The following GRAP2 variants were observed in gnomAD, a reference collection of about 807,000 sequenced individuals.
The protein encoded by GRAP2 is GRB2-related adapter protein 2.
GRAP2 carries 31 observed loss-of-function variants against 43.5 expected under a neutral mutation model. The ratio of observed to expected loss-of-function variants is 0.71; its 90% CI spans 0.54 to 0.96. The LOEUF (loss-of-function observed/expected upper bound fraction) is 0.96, where lower values mean the gene tolerates loss of function less well. Among genes scored for constraint, GRAP2 ranks in the 40% least tolerant of loss-of-function variants. The pLI is 0.00. For missense variants in GRAP2, 371 were observed against 424.4 expected, an observed-to-expected ratio of 0.87 and a Z score of 1.11; for synonymous variants, 156 against 164.8, an observed-to-expected ratio of 0.95 and a Z score of 0.41.
At chr22:39,948,269 G>C (rs2066945335) in intron 2 of GRAP2, 1 of 152,072 alleles carries the variant, frequency 6.6e-6, no homozygotes, top group South Asian at 2.1e-4. Context: ...CAAAGCATAG[G>C]CCTTCACAAA....
intron 4 of GRAP2, among the ~76,000 whole-genome samples, chr22:39,961,562 G>A (rs1330292074): frequency 6.6e-6 from 1 of 152,174 alleles, no homozygotes; most frequent in Non-Finnish European, 1.5e-5. Context: ...TCACTAAGGT[G>A]CAGCAACCCA....
At chr22:39,911,882 A>G (rs995505140) in intron 1 of GRAP2, among the ~76,000 whole-genome samples, 53 of 152,204 alleles carry the variant, frequency 3.5e-4, no homozygotes, top group African/African-American at 1.2e-3. Flanking sequence ...ATTGAATCAG[A>G]ATCTAAACTG....
chr22:39,973,523 T>C lies in GRAP2; in HGVS notation c.*2439T>C, dbSNP rs1291000079. ...GCAAAAGCTACTGAAGAGTATTTTGTACTGAGATGCCAAAGCATCTTTCCC... is the reference window on the plus strand; with the variant it reads ...GCAAAAGCTACTGAAGAGTATTTTGCACTGAGATGCCAAAGCATCTTTCCC... On this transcript the variant is annotated 3_prime_UTR_variant, in exon 8 of 8. Coordinates refer to ENST00000344138, the MANE Select transcript of GRAP2 (RefSeq NM_004810.4). The C allele has an allele frequency of 1.3e-5, 2 of 152,232 alleles. No individual in the cohort carries two copies. The highest frequency in any genetic ancestry group is 4.8e-5 in the African/African-American group (2 of 41,468). The allele number at this position is 152,232 out of a possible 1,614,324, so 9.4% of individuals were successfully genotyped here.
intron 3 of GRAP2, 121 bp from the exon 4 acceptor site, chr22:39,959,934 C>G (rs903915693): frequency 1.2e-6 from 1 of 856,902 alleles, no homozygotes; most frequent in Non-Finnish European, 1.9e-6. Context: ...CCTGGTCTCT[C>G]TCTGCTCCCT....
intron 1 of GRAP2, among the ~76,000 whole-genome samples, chr22:39,920,800 C>CA (rs2066642430): frequency 6.6e-6 from 1 of 151,998 alleles, no homozygotes; most frequent in African/African-American, 2.4e-5. Flanking sequence ...TACACACACA[C>CA]ACGTGGATGC....
chr22:39,919,464 G>T (rs1342635161), intron 1 of GRAP2, among the ~76,000 whole-genome samples: 1 of 152,126 alleles, frequency 6.6e-6, no homozygotes, highest in Non-Finnish European at 1.5e-5. Flanking sequence ...TAGAGTCATT[G>T]TCCTTGCTGC....
intron 1 of GRAP2, among the ~76,000 whole-genome samples, chr22:39,908,053 A>G (rs933897731): frequency 9.2e-5 from 14 of 152,302 alleles, no homozygotes; most frequent in Admixed American, 6.5e-4. Context: ...CGTGATCTTA[A>G]ACAAGTCACC....
intron 3 of GRAP2, among the ~76,000 whole-genome samples, chr22:39,956,881 G>A (rs903300889): frequency 3.3e-5 from 5 of 152,154 alleles, no homozygotes; most frequent in African/African-American, 9.7e-5. Context: ...CACTTCGGGA[G>A]CTGCTCTCCT....
intron 7 of GRAP2, among the ~76,000 whole-genome samples, chr22:39,969,874 A>G (rs1279484276): frequency 5.9e-5 from 9 of 152,130 alleles, no homozygotes; most frequent in Admixed American, 5.2e-4. Flanking sequence ...AGATTGCGCC[A>G]TTTTACTCCA....
chr22:39,911,724 A>C (rs1376400517), intron 1 of GRAP2, among the ~76,000 whole-genome samples: 1 of 151,992 alleles, frequency 6.6e-6, no homozygotes, highest in African/African-American at 2.4e-5. Flanking sequence ...TATAATTATT[A>C]ATTTTCCAGT....
rs562775739 is a variant in GRAP2, at chr22:39,923,694, GA to G, written c.-15+22368del. Among the ~76,000 whole-genome samples, 62 of 152,218 alleles carry G rather than the reference GA, an allele frequency of 4.1e-4. 2 individuals carry two copies. Among genetic ancestry groups the G allele is most frequent in the African/African-American group, 1.4e-3 (57 of 41,540 alleles). On this transcript the variant is annotated intron_variant, in intron 1 of 7. Coordinates refer to ENST00000344138, the MANE Select transcript of GRAP2 (RefSeq NM_004810.4). ...TCCTTTACTAATGAGGAAAGAAAAG[GA>G]AAACAACAAACAAATCTGGACTTAA...
upstream of GRAP2, among the ~76,000 whole-genome samples, chr22:39,898,410 T>C (rs376853135): frequency 2.6e-5 from 4 of 152,322 alleles, no homozygotes; most frequent in East Asian, 3.9e-4. Flanking sequence ...AGAGTAGGTG[T>C]TCAAACTTTA....
chr22:39,965,542 T>C (rs1339845826), intron 4 of GRAP2, among the ~76,000 whole-genome samples: 1 of 152,232 alleles, frequency 6.6e-6, no homozygotes, highest in Non-Finnish European at 1.5e-5. Flanking sequence ...AGAGAGTAGC[T>C]TCTTACCTGC....
At chr22:39,963,239 C>G (rs2067137436) in intron 4 of GRAP2, among the ~76,000 whole-genome samples, 1 of 152,152 alleles carries the variant, frequency 6.6e-6, no homozygotes, top group Non-Finnish European at 1.5e-5. Context: ...GCCTGAAACA[C>G]CAGATTTTGG....
chr22:39,901,804 C>A (rs1381004184), intron 1 of GRAP2, among the ~76,000 whole-genome samples: 1 of 152,178 alleles, frequency 6.6e-6, no homozygotes, highest in Non-Finnish European at 1.5e-5. Flanking sequence ...ACAAAGGACA[C>A]CAGTTTTCAT....
rs530675926 is a variant in GRAP2 at position 39,952,149 on chromosome 22, C to A, written c.79-3670C>A. Among the ~76,000 whole-genome samples, 15 of 151,900 alleles carry A rather than the reference C, an allele frequency of 9.9e-5. No homozygotes were observed. The South Asian group carries it at 2.9e-3, about 30-fold the overall frequency. Reference sequence around the variant, plus strand: ...TCAAGCAATTCTCGTGGCTCAGCCTCCCAAGTAGCTGAGATTACAGGCATG... The same window carrying A: ...TCAAGCAATTCTCGTGGCTCAGCCTACCAAGTAGCTGAGATTACAGGCATG... On this transcript the variant is annotated intron_variant, in intron 2 of 7. Transcript: ENST00000344138.
intron 4 of GRAP2, among the ~76,000 whole-genome samples, chr22:39,963,503 G>A (rs551656861): frequency 8.3e-4 from 127 of 152,304 alleles, no homozygotes; most frequent in African/African-American, 2.8e-3. Flanking sequence ...GTTGATCCAT[G>A]TTGTCTTAGA....
chr22:39,947,233 A>G, intron 2 of GRAP2, 49 bp downstream of exon 2: 1 of 860,506 alleles, frequency 1.2e-6, no homozygotes, highest in Non-Finnish European at 2.0e-6. Flanking sequence ...TCAGTTACTC[A>G]GTAATCTGAC....
At chr22:39,900,803 G>A (rs1365151049), upstream of GRAP2, among the ~76,000 whole-genome samples, 3 of 152,164 alleles carry the variant, frequency 2.0e-5, no homozygotes, top group Non-Finnish European at 2.9e-5. Flanking sequence ...AAGCCCTAAT[G>A]TTCCTCTGGA....
Sources: gnomAD v4.1 joint callset for allele counts (sites outside exome capture counted in the v4.1 genomes callset) on GRCh38, gnomAD v4.1.1 for gene constraint, MANE v1.5 for transcripts, NCBI Gene and HGNC (gene_info 2026-07-23, HGNC 2026-07-21) for gene names.